LDLRAD3: variants seen among roughly 807,000 people sequenced by gnomAD.
LDLRAD3 encodes the protein low density lipoprotein receptor class A domain containing 3.
LDLRAD3 carries 20 observed loss-of-function variants against 29.4 expected under a neutral mutation model. The ratio of observed to expected loss-of-function variants is 0.68; its 90% CI spans 0.48 to 0.99. LDLRAD3 has a LOEUF of 0.99. LDLRAD3 is among the 50% of genes least tolerant of loss of function. LDLRAD3 has a pLI of 0.00. For synonymous variants in LDLRAD3, 157 were observed against 192.7 expected, an observed-to-expected ratio of 0.81 and a Z score of 1.53; for missense variants, 420 against 454.3, an observed-to-expected ratio of 0.92 and a Z score of 0.69.
intron 4 of LDLRAD3, among the ~76,000 whole-genome samples, chr11:36,179,924 G>C (rs1327377391): frequency 2.0e-5 from 3 of 152,134 alleles, no homozygotes; most frequent in Admixed American, 2.0e-4. Flanking sequence ...CTTGAACCCA[G>C]ATCGAGGCCA....
intron 1 of LDLRAD3, among the ~76,000 whole-genome samples, chr11:36,026,398 A>G (rs1852167657): frequency 1.3e-5 from 2 of 152,070 alleles, no homozygotes; most frequent in African/African-American, 4.8e-5. Flanking sequence ...GCACATATAC[A>G]TGTTTGTCCC....
At chr11:36,157,134 G>C (rs1483810028) in intron 4 of LDLRAD3, among the ~76,000 whole-genome samples, 1 of 152,196 alleles carries the variant, frequency 6.6e-6, no homozygotes, top group Non-Finnish European at 1.5e-5. Flanking sequence ...GCTGGAAAGA[G>C]AGGACCCCAT....
chr11:35,995,605 A>G (rs1030905200), intron 1 of LDLRAD3, among the ~76,000 whole-genome samples: 13 of 152,236 alleles, frequency 8.5e-5, no homozygotes, highest in African/African-American at 2.7e-4. Flanking sequence ...GAAGCCAGGC[A>G]TTGACTTATT....
At chr11:36,013,837 C>T (rs1442231598) in intron 1 of LDLRAD3, among the ~76,000 whole-genome samples, 1 of 152,090 alleles carries the variant, frequency 6.6e-6, no homozygotes, top group East Asian at 1.9e-4. Flanking sequence ...GTTACAGATG[C>T]CTTGAAATCT....
At chr11:36,205,238 C>T (rs1329578985) in intron 4 of LDLRAD3, among the ~76,000 whole-genome samples, 2 of 152,202 alleles carry the variant, frequency 1.3e-5, no homozygotes, top group Non-Finnish European at 2.9e-5. Flanking sequence ...TTTAGCTGAG[C>T]TTACCCCACA....
Position 36,106,164 on chromosome 11 carries a change from G to A in LDLRAD3, c.454+7703G>A, listed in dbSNP as rs145296618. Among the ~76,000 whole-genome samples, 654 of 152,268 alleles carry A rather than the reference G, an allele frequency of 4.3e-3. 8 individuals carry two copies. Among genetic ancestry groups the A allele is most frequent in the Non-Finnish European group, 4.5e-3 (307 of 68,016 alleles). On this transcript the variant is annotated intron_variant, in intron 4 of 5. Transcript: ENST00000315571. Reference sequence around the variant, plus strand: ...AGGGAGAACTCCTGGTCTGCCTATGGTGTGGGACTTGGTAGAGCCATGCTT... The same window carrying A: ...AGGGAGAACTCCTGGTCTGCCTATGATGTGGGACTTGGTAGAGCCATGCTT...
At chr11:36,086,217 A>G (rs953921399) in intron 3 of LDLRAD3, among the ~76,000 whole-genome samples, 12 of 152,288 alleles carry the variant, frequency 7.9e-5, no homozygotes, top group African/African-American at 2.6e-4. Context: ...TAAAATCTTC[A>G]TCATATAACT....
chr11:36,011,402 T>C (rs1851953632), intron 1 of LDLRAD3, among the ~76,000 whole-genome samples: 1 of 152,146 alleles, frequency 6.6e-6, no homozygotes, highest in African/African-American at 2.4e-5. Context: ...AAATATCTTG[T>C]TCCATGGCCC....
intron 1 of LDLRAD3, chr11:35,988,969 A>AC (rs1851653496): frequency 6.6e-6 from 1 of 152,198 alleles, no homozygotes; most frequent in South Asian, 2.1e-4. Context: ...TGTCCAGAAT[A>AC]GTATTTCCTA....
intron 1 of LDLRAD3, among the ~76,000 whole-genome samples, chr11:36,024,008 C>A (rs1348663966): frequency 6.6e-6 from 1 of 152,162 alleles, no homozygotes; most frequent in African/African-American, 2.4e-5. Flanking sequence ...TTAACTGTGT[C>A]CTTAAAACCT....
chr11:36,109,815 A>G (rs1454171624), intron 4 of LDLRAD3: 1 of 151,982 alleles, frequency 6.6e-6, no homozygotes, highest in Non-Finnish European at 1.5e-5. Context: ...TGGAATTTGA[A>G]GGGTGGTCAG....
chr11:35,957,423 A>T (rs1851216531), intron 1 of LDLRAD3, among the ~76,000 whole-genome samples: 1 of 152,228 alleles, frequency 6.6e-6, no homozygotes, highest in Non-Finnish European at 1.5e-5. Flanking sequence ...GTAGGAGATG[A>T]CATTACCTGG....
At chr11:36,123,367 A>C (rs947678977) in intron 4 of LDLRAD3, among the ~76,000 whole-genome samples, 1 of 152,220 alleles carries the variant, frequency 6.6e-6, no homozygotes, top group African/African-American at 2.4e-5. Flanking sequence ...TCCATTCTAC[A>C]AGCTGGTGCA....
chr11:36,203,966 G>A (rs1855166003), intron 4 of LDLRAD3, among the ~76,000 whole-genome samples: 1 of 151,462 alleles, frequency 6.6e-6, no homozygotes, highest in Non-Finnish European at 1.5e-5. Flanking sequence ...GTGAATGCTG[G>A]TTCCACGGCA....
intron 3 of LDLRAD3, among the ~76,000 whole-genome samples, chr11:36,096,050 G>A (rs187482366): frequency 2.6e-5 from 4 of 151,994 alleles, no homozygotes; most frequent in Non-Finnish European, 5.9e-5. Flanking sequence ...GGCCCACAGC[G>A]ATGTCAATAA....
intron 4 of LDLRAD3, among the ~76,000 whole-genome samples, chr11:36,108,712 G>A (rs938574243): frequency 1.3e-5 from 2 of 152,146 alleles, no homozygotes; most frequent in African/African-American, 2.4e-5. Context: ...GAGAAACAGC[G>A]TGATGCATTT....
At chr11:36,185,529 ACT>A (rs1329698455) in intron 4 of LDLRAD3, among the ~76,000 whole-genome samples, 1 of 152,222 alleles carries the variant, frequency 6.6e-6, no homozygotes, top group African/African-American at 2.4e-5. Flanking sequence ...TGTGTTCACC[ACT>A]GAGACTGATA....
rs1420783863 is a variant in LDLRAD3, at chr11:36,229,148, T to G, written c.801-12T>G. 1 of 1,594,226 alleles carries G rather than the reference T, an allele frequency of 6.3e-7. No individual in the cohort carries two copies. Among genetic ancestry groups the G allele is most frequent in the South Asian group, 1.1e-5 (1 of 90,592 alleles). On this transcript the variant is annotated splice_polypyrimidine_tract_variant and intron_variant, in intron 5 of 5. Coordinates refer to ENST00000315571, the MANE Select transcript of LDLRAD3 (RefSeq NM_174902.4). ...CTCCATTGCCCCTGCCCCCCTGCTGTCCCCATCACAGGCCTGCGTGGTATG... is the reference window on the plus strand; with the variant it reads ...CTCCATTGCCCCTGCCCCCCTGCTGGCCCCATCACAGGCCTGCGTGGTATG...
intron 2 of LDLRAD3, among the ~76,000 whole-genome samples, chr11:36,048,641 A>G (rs1852486686): frequency 6.6e-6 from 1 of 152,178 alleles, no homozygotes; most frequent in Non-Finnish European, 1.5e-5. Flanking sequence ...TTGTTTCATT[A>G]TTTAGTTAAG....
Sources: allele counts gnomAD v4.1 joint callset (sites outside exome capture counted in the v4.1 genomes callset), GRCh38; gene constraint gnomAD v4.1.1; transcripts MANE v1.5; gene names NCBI Gene and HGNC (gene_info 2026-07-23, HGNC 2026-07-21).